The following PDLIM1 variants were observed in gnomAD, a reference collection of about 807,000 sequenced individuals.
PDLIM1 encodes the protein PDZ and LIM domain protein 1.
In PDLIM1, 25 loss-of-function variants were observed where a neutral mutation model predicts 35.2. That is an observed-to-expected ratio of 0.71 (90% CI 0.52 to 0.99). PDLIM1 has a LOEUF of 0.99. Among genes scored for constraint, PDLIM1 ranks in the 50% least tolerant of loss-of-function variants. The pLI is 0.00. For synonymous variants in PDLIM1, 152 were observed against 154.0 expected (o/e 0.99, Z 0.10); for missense variants, 363 against 415.3 (o/e 0.87, Z 1.09).
At chr10:95,253,628 C>A (rs1443234936) in intron 4 of PDLIM1, among the ~76,000 whole-genome samples, 1 of 148,504 alleles carries the variant, frequency 6.7e-6, no homozygotes, top group African/African-American at 2.5e-5. Flanking sequence ...AGTAGTCCAA[C>A]CTGGGTGACA....
At chr10:95,267,055 G>A (rs1238134470) in intron 3 of PDLIM1, among the ~76,000 whole-genome samples, 2 of 152,152 alleles carry the variant, frequency 1.3e-5, no homozygotes, top group African/African-American at 2.4e-5. Context: ...TAGAATGGCT[G>A]GAAGTAAAAG....
chr10:95,267,834 A>G (rs907524976), intron 3 of PDLIM1, among the ~76,000 whole-genome samples: 1 of 152,228 alleles, frequency 6.6e-6, no homozygotes, highest in Non-Finnish European at 1.5e-5. Flanking sequence ...TTAGAAAAAT[A>G]AGTTAAATTT....
chr10:95,242,120 A>G (rs560087894), intron 5 of PDLIM1, among the ~76,000 whole-genome samples: 2 of 152,202 alleles, frequency 1.3e-5, no homozygotes, highest in South Asian at 2.1e-4. Context: ...AGGAGGCTCC[A>G]TGGTTTTAAG....
chr10:95,273,034 C>T (rs1464278394), intron 1 of PDLIM1: 1 of 152,174 alleles, frequency 6.6e-6, no homozygotes, highest in Non-Finnish European at 1.5e-5. Flanking sequence ...AAATAGTACT[C>T]ACCTCAGAGT....
intron 1 of PDLIM1, among the ~76,000 whole-genome samples, chr10:95,274,180 GC>G (rs1474952876): frequency 6.6e-6 from 1 of 151,870 alleles, no homozygotes; most frequent in Non-Finnish European, 1.5e-5. Context: ...TTTCACACCT[GC>G]CTTTACCTCT....
chr10:95,283,024 C>T (rs45565633), intron 1 of PDLIM1, among the ~76,000 whole-genome samples: 3 of 152,172 alleles, frequency 2.0e-5, no homozygotes, highest in Non-Finnish European at 4.4e-5. Context: ...ACAGCTACCA[C>T]CCATAACCCA....
chr10:95,257,006 G>GAAAAGA, intron 4 of PDLIM1, among the ~76,000 whole-genome samples: 2 of 87,698 alleles, frequency 2.3e-5, no homozygotes, highest in African/African-American at 6.2e-5. Flanking sequence ...AAGAAAGAAA[G>GAAAAGA]AAAGAAAGAA....
At chr10:95,262,110 T>TCCC (rs1215571712) in intron 4 of PDLIM1, among the ~76,000 whole-genome samples, 5 of 151,916 alleles carry the variant, frequency 3.3e-5, no homozygotes, top group African/African-American at 1.2e-4. Flanking sequence ...CATCTGTCTC[T>TCCC]CTCTGGGGAG....
chr10:95,280,307 A>G (rs192791971), intron 1 of PDLIM1, among the ~76,000 whole-genome samples: 3 of 152,158 alleles, frequency 2.0e-5, no homozygotes, highest in Non-Finnish European at 4.4e-5. Context: ...CCGGGGAGGC[A>G]GAGGTTGCAA....
intron 1 of PDLIM1, among the ~76,000 whole-genome samples, chr10:95,282,939 G>A (rs1035769829): frequency 5.3e-5 from 8 of 152,248 alleles, no homozygotes; most frequent in Middle Eastern, 3.4e-3. Context: ...GCGAGACTCC[G>A]TCAAGAAGTC....
intron 5 of PDLIM1, among the ~76,000 whole-genome samples, chr10:95,243,109 T>C (rs896854530): frequency 6.6e-6 from 1 of 151,952 alleles, no homozygotes; most frequent in African/African-American, 2.4e-5. Context: ...TCCACATCTT[T>C]TTCTAGAATG....
intron 1 of PDLIM1, among the ~76,000 whole-genome samples, chr10:95,272,594 G>A (rs577718193): frequency 6.6e-6 from 1 of 152,210 alleles, no homozygotes; most frequent in East Asian, 1.9e-4. Flanking sequence ...AACCCAGAAG[G>A]TGGAGGTTGC....
At chr10:95,274,489 T>G (rs1024189776) in intron 1 of PDLIM1, among the ~76,000 whole-genome samples, 2 of 151,822 alleles carry the variant, frequency 1.3e-5, no homozygotes, top group African/African-American at 4.8e-5. Flanking sequence ...AGATGGGGTT[T>G]TTTCACCATG....
Position 95,247,360 on chromosome 10 carries a change from G to C in PDLIM1, c.540C>G (p.Asp180Glu). ...CAAGGCTGCTTGGAGGCTGAGCATG[G>C]TCTAAGCTGTAAAGAATGTTTGAAA... Reference protein sequence around the residue: ...SGVEANSRPLDHAQPPSSLVI... With the variant: ...SGVEANSRPLEHAQPPSSLVI... Residue 180 changes from aspartate to glutamate, a missense_variant, in exon 5 of 7, where the codon GAC (aspartate) becomes GAG (glutamate). Transcript: ENST00000329399. 2.5e-6 allele frequency: 4 copies of C among 1,610,852 alleles called. No individual in the cohort carries two copies. Among genetic ancestry groups the C allele is most frequent in the Non-Finnish European group, 3.4e-6 (4 of 1,179,172 alleles).
At chr10:95,254,165 C>T (rs1461277410) in intron 4 of PDLIM1, among the ~76,000 whole-genome samples, 1 of 152,144 alleles carries the variant, frequency 6.6e-6, no homozygotes, top group Non-Finnish European at 1.5e-5. Flanking sequence ...AATAAACCAA[C>T]TGAAAGACAG....
intron 6 of PDLIM1, 86 bp from the exon 7 acceptor site, chr10:95,238,197 C>G: frequency 2.4e-6 from 3 of 1,246,068 alleles, no homozygotes; most frequent in South Asian, 2.8e-5. Flanking sequence ...CCTTCCTGAG[C>G]AGGGGCCTGG....
intron 4 of PDLIM1, among the ~76,000 whole-genome samples, chr10:95,259,553 T>C (rs887387418): frequency 3.3e-5 from 5 of 152,178 alleles, no homozygotes; most frequent in South Asian, 2.1e-4. Context: ...ATATTGGTCC[T>C]GCAATAAGAA....
At position 95,290,282 on chromosome 10, in the gene PDLIM1, C is replaced by A. The variant is rs960392580; in HGVS notation, c.96+538G>T. Among the ~76,000 whole-genome samples the A allele has an allele frequency of 6.6e-6, 1 of 152,164 alleles. No homozygotes were observed. Among genetic ancestry groups the A allele is most frequent in the African/African-American group, 2.4e-5 (1 of 41,434 alleles). ...GTTTATTTCCCGAATCCAGCACATTCTCCAAAAGCCATTCGAGGGGCGAGC... is the reference window on the plus strand; with the variant it reads ...GTTTATTTCCCGAATCCAGCACATTATCCAAAAGCCATTCGAGGGGCGAGC... On this transcript the variant is annotated intron_variant, in intron 1 of 6. Coordinates refer to ENST00000329399, the MANE Select transcript of PDLIM1 (RefSeq NM_020992.4). This position sits in a 1 kb window ranked among gnomAD's most constrained non-coding sequence, Gnocchi z 4.7.
chr10:95,257,367 C>T (rs1277461376), intron 4 of PDLIM1, among the ~76,000 whole-genome samples: 1 of 151,638 alleles, frequency 6.6e-6, no homozygotes, highest in African/African-American at 2.4e-5. Context: ...ACAAAGGAAA[C>T]AACAGAGTGA....
Sources: gnomAD v4.1 joint callset for allele counts (sites outside exome capture counted in the v4.1 genomes callset) on GRCh38, gnomAD v4.1.1 for gene constraint, Gnocchi (gnomAD v3.1) non-coding constraint, MANE v1.5 for transcripts, NCBI Gene and HGNC (gene_info 2026-07-23, HGNC 2026-07-21) for gene names.